DDX19B: variants seen among roughly 807,000 people sequenced by gnomAD.
DDX19B encodes ATP-dependent RNA helicase DDX19B.
Under a neutral mutation model 58.1 loss-of-function variants are expected in DDX19B, and 27 were observed. That is an observed-to-expected ratio of 0.46 (90% CI 0.34 to 0.64). The LOEUF is 0.64. Among genes scored for constraint, DDX19B ranks in the 30% least tolerant of loss-of-function variants. The probability of loss-of-function intolerance (pLI) is 0.01; values close to 1 mark genes in which losing one functional copy is unlikely to be tolerated. For synonymous variants in DDX19B, 187 were observed against 214.4 expected, an observed-to-expected ratio of 0.87 and a Z score of 1.12; for missense variants, 399 against 596.5, an observed-to-expected ratio of 0.67 and a Z score of 3.45.
At chr16:70,291,013 CA>C (rs1456923473), upstream of DDX19B, among the ~76,000 whole-genome samples, 1 of 152,124 alleles carries the variant, frequency 6.6e-6, no homozygotes, top group Non-Finnish European at 1.5e-5. Flanking sequence ...ACTTTTTATG[CA>C]AAAAGAGCAT....
Position 70,314,958 on chromosome 16 carries a change from AAC to A in DDX19B, c.160+7_160+8del. On this transcript the variant is annotated splice_donor_5th_base_variant and intron_variant, in intron 3 of 11. Coordinates refer to ENST00000288071, the MANE Select transcript of DDX19B (RefSeq NM_007242.7). ...GAAGACAGATGAAGAAGAGAAAGGT[AAC>A]ACAGCCGTGGAGCTTTATATAATAA... The A allele has an allele frequency of 6.2e-7, 1 of 1,608,378 alleles. No individual in the cohort carries two copies. The highest frequency in any genetic ancestry group is 1.1e-5 in the South Asian group (1 of 91,042).
At chr16:70,303,025 A>G (rs1440572398) in intron 1 of DDX19B, among the ~76,000 whole-genome samples, 1 of 152,234 alleles carries the variant, frequency 6.6e-6, no homozygotes, top group Non-Finnish European at 1.5e-5. Context: ...CCATGTATGT[A>G]ACTTCTTTGA....
chr16:70,316,839 G>C (rs1335212758), intron 4 of DDX19B, among the ~76,000 whole-genome samples: 1 of 152,150 alleles, frequency 6.6e-6, no homozygotes, highest in East Asian at 1.9e-4. Context: ...GAGAGGCTAA[G>C]GCCGGCAGAC....
At chr16:70,302,466 A>G (rs1352252220) in intron 1 of DDX19B, among the ~76,000 whole-genome samples, 2 of 152,144 alleles carry the variant, frequency 1.3e-5, no homozygotes, top group East Asian at 1.9e-4. Context: ...CTTTTCCAAC[A>G]TGTCATAAAA....
intron 10 of DDX19B, 71 bp downstream of exon 10, chr16:70,331,955 T>C: frequency 6.3e-7 from 1 of 1,581,442 alleles, no homozygotes; most frequent in Non-Finnish European, 8.6e-7. Context: ...CCAGAAATCC[T>C]TGTACACAGG....
At chr16:70,316,856 A>C (rs888703472) in intron 4 of DDX19B, among the ~76,000 whole-genome samples, 1 of 152,056 alleles carries the variant, frequency 6.6e-6, no homozygotes, top group Non-Finnish European at 1.5e-5. Flanking sequence ...AGACCACTTG[A>C]GGTCAGGAGT....
At chr16:70,301,926 T>TTC (rs1961508341) in intron 1 of DDX19B, among the ~76,000 whole-genome samples, 1 of 151,692 alleles carries the variant, frequency 6.6e-6, no homozygotes, top group African/African-American at 2.4e-5. Context: ...CTTTAATTTT[T>TTC]TTTTTTTTTT....
rs765489868 is a variant in DDX19B at position 70,330,042 on chromosome 16, A to G, written c.997A>G (p.Ile333Val). 6.2e-7 allele frequency: 1 copy of G among 1,613,906 alleles called. No homozygotes were observed. The highest frequency in any genetic ancestry group is 8.5e-7 in the Non-Finnish European group (1 of 1,179,864). ...GTGTAACCTCTACGGGGCCATCACC[A>G]TTGCTCAAGCCATGATCTTCTGCCA... is the stretch of plus-strand genomic sequence containing the variant. ...ALCNLYGAIT[I>V]AQAMIFCHTR... Residue 333 changes from isoleucine to valine, a missense_variant, in exon 9 of 12, where the codon ATT becomes GTT. Around this residue, in one of 4 missense-constraint regions of DDX19B, gnomAD observed 198 missense variants for 345.9 expected, o/e 0.57. Transcript: ENST00000288071.
At chr16:70,328,715 G>A (rs1486763535) in intron 7 of DDX19B, among the ~76,000 whole-genome samples, 2 of 151,918 alleles carry the variant, frequency 1.3e-5, no homozygotes, top group African/African-American at 4.8e-5. Flanking sequence ...TCACCACATT[G>A]TGCTATCAAA....
chr16:70,313,831 G>A (rs1404255695), intron 2 of DDX19B, among the ~76,000 whole-genome samples: 2 of 152,030 alleles, frequency 1.3e-5, no homozygotes, highest in Non-Finnish European at 2.9e-5. Context: ...TTTATAGGCC[G>A]GGTGTGGTGG....
At chr16:70,319,091 G>A (rs978489712) in intron 5 of DDX19B, among the ~76,000 whole-genome samples, 7 of 152,082 alleles carry the variant, frequency 4.6e-5, no homozygotes, top group Non-Finnish European at 8.8e-5. Flanking sequence ...GCAACAGAGC[G>A]AGACTCCATC....
rs904710376 is a variant in DDX19B, at chr16:70,302,320, G to A, written c.57+2966G>A. 2.0e-5 allele frequency among the ~76,000 whole-genome samples: 3 copies of A among 152,172 alleles called. No homozygotes were observed. The East Asian group carries it at 5.8e-4, about 29-fold the overall frequency. ...TACAGTTCTATGAATTTTGACAAAA[G>A]CATACAGTTGTGTAACTACCACCAC... is the stretch of plus-strand genomic sequence containing the variant. On this transcript the variant is annotated intron_variant, in intron 1 of 11. Transcript: ENST00000288071.
chr16:70,309,682 G>C (rs1302859006), intron 1 of DDX19B, among the ~76,000 whole-genome samples: 1 of 151,752 alleles, frequency 6.6e-6, no homozygotes, highest in Non-Finnish European at 1.5e-5. Context: ...GCTGTGCGTA[G>C]TTGCACACGC....
chr16:70,332,699 C>A (rs1458695326), intron 10 of DDX19B, among the ~76,000 whole-genome samples: 1 of 152,108 alleles, frequency 6.6e-6, no homozygotes, highest in African/African-American at 2.4e-5. Flanking sequence ...CTGTCTCCAA[C>A]TCTCAGGGAC....
chr16:70,293,422 GAAAA>G (rs199870375), upstream of DDX19B, among the ~76,000 whole-genome samples: 3 of 112,888 alleles, frequency 2.7e-5, no homozygotes, highest in East Asian at 7.1e-4. Context: ...TGTCTCAATT[GAAAA>G]AAAAAAGAAA....
intron 8 of DDX19B, 82 bp from the exon 9 acceptor site, chr16:70,329,749 T>C (rs941937151): frequency 6.3e-7 from 1 of 1,577,302 alleles, no homozygotes; most frequent in African/African-American, 1.3e-5. Context: ...CCTGGGCATC[T>C]AGACCCTCCC....
Position 70,329,930 on chromosome 16 carries a change from C to G in DDX19B, c.885C>G (p.Ile295Met). The G allele has an allele frequency of 1.2e-6, 2 of 1,614,220 alleles. No homozygotes were observed. The highest frequency in any genetic ancestry group is 1.7e-6 in the Non-Finnish European group (2 of 1,180,052). Residue 295 changes from isoleucine to methionine, a missense_variant, in exon 9 of 12, where the codon ATC becomes ATG. Physicochemically the swap from Ile to Met is conservative, Grantham distance 10. Coordinates refer to ENST00000288071, the MANE Select transcript of DDX19B (RefSeq NM_007242.7). The part of the protein sequence containing the change: ...AQKVVPDPNV[I>M]KLKREEETLD... ...AAGTGGTCCCAGACCCAAACGTTAT[C>G]AAACTGAAGCGTGAGGAAGAGACCC...
intron 4 of DDX19B, among the ~76,000 whole-genome samples, chr16:70,316,545 G>A (rs931685494): frequency 3.3e-5 from 5 of 152,126 alleles, no homozygotes; most frequent in Admixed American, 6.6e-5. Flanking sequence ...GCTGGGTGCC[G>A]TAGTGCACAC....
At chr16:70,302,820 A>T (rs932014908) in intron 1 of DDX19B, among the ~76,000 whole-genome samples, 1 of 152,222 alleles carries the variant, frequency 6.6e-6, no homozygotes, top group Admixed American at 6.5e-5. Context: ...TATGTGCCAA[A>T]CTATTTTCCA....
Sources: allele counts gnomAD v4.1 joint callset (sites outside exome capture counted in the v4.1 genomes callset), GRCh38; gene constraint gnomAD v4.1.1; regional missense constraint gnomAD v4.1.1; transcripts MANE v1.5; gene names NCBI Gene and HGNC (gene_info 2026-07-23, HGNC 2026-07-21).